KDM5C: variants seen among roughly 807,000 people sequenced by gnomAD.
The protein encoded by KDM5C is lysine demethylase 5C, also known as lysine-specific demethylase 5C.
In KDM5C, 16 loss-of-function variants were observed where a neutral mutation model predicts 110.6. That is an observed-to-expected ratio of 0.14 (90% CI 0.10 to 0.22). The LOEUF is 0.22. Among genes scored for constraint, KDM5C ranks in the 10% least tolerant of loss-of-function variants. KDM5C has a pLI of 1.00. For synonymous variants in KDM5C, 511 were observed against 520.4 expected, an observed-to-expected ratio of 0.98 and a Z score of 0.24; for missense variants, 681 against 1,300.9, an observed-to-expected ratio of 0.52 and a Z score of 7.33.
At position 53,225,148 on chromosome X, in the gene KDM5C, A is replaced by G; in HGVS notation, c.-259T>C. The G allele has an allele frequency of 2.9e-6, 1 of 341,729 alleles. No individual in the cohort carries two copies. Among genetic ancestry groups the G allele is most frequent in the South Asian group, 8.7e-5 (1 of 11,466 alleles). The allele number at this position is 341,729 out of a possible 1,213,427, so 28.2% of individuals were successfully genotyped here. On this transcript the variant is annotated 5_prime_UTR_variant, in exon 1 of 26. Coordinates refer to ENST00000375401, the MANE Select transcript of KDM5C (RefSeq NM_004187.5). ...CCTCCCCACTACCGCAGCCTTCGCC[A>G]CCACAGTTACCTCCCAAACGCCGCG...
chrX:53,192,883 C>CCCCCAA lies in KDM5C; in HGVS notation c.*83_*84insTTGGGG. 3 of 1,063,301 alleles carry CCCCCAA rather than the reference C, an allele frequency of 2.8e-6. No homozygotes were observed. Among genetic ancestry groups the CCCCCAA allele is most frequent in the Non-Finnish European group, 2.5e-6 (2 of 809,531 alleles). The allele number at this position is 1,063,301 out of a possible 1,213,427, so 87.6% of individuals were successfully genotyped here. On this transcript the variant is annotated 3_prime_UTR_variant, in exon 26 of 26. Transcript: ENST00000375401. ...GCCACCCCCCTACCCGCCCACCCCC[C>CCCCCAA]AAGAAGCAGGCTTGATGGTCAGAAA...
Position 53,218,230 on chromosome X carries a change from T to TATTG in KDM5C, c.351+42_351+45dup, listed in dbSNP as rs782630250. The TATTG allele has an allele frequency of 4.2e-6, 5 of 1,204,616 alleles. No individual in the cohort carries two copies. The African/African-American group carries it at 8.8e-5, about 21-fold the overall frequency. On this transcript the variant is annotated intron_variant, in intron 3 of 25. Coordinates refer to ENST00000375401, the MANE Select transcript of KDM5C (RefSeq NM_004187.5). Reference sequence around the variant, plus strand: ...AAGGGGGCCCCCAGAGTATCAAGGATATTGGGGTTTGGTGGGAGGGGTGCT... The same window carrying TATTG: ...AAGGGGGCCCCCAGAGTATCAAGGATATTGATTGGGGTTTGGTGGGAGGGGTGCT...
At chrX:53,215,081 C>T (rs1005644889) in intron 7 of KDM5C, 9 of 488,506 alleles carry the variant, frequency 1.8e-5, no homozygotes, top group African/African-American at 1.4e-4. Flanking sequence ...TTCAGAACTA[C>T]GCTGGACTCT....
Position 53,194,751 on chromosome X carries a change from G to A in KDM5C, c.3439-13C>T. 1 of 1,209,985 alleles carries A rather than the reference G, an allele frequency of 8.3e-7. No individual in the cohort carries two copies. The highest frequency in any genetic ancestry group is 1.1e-6 in the Non-Finnish European group (1 of 894,995). Reference sequence around the variant, plus strand: ...TGAAGGCCACGATCTGCCATACCCAGGACAGGAGCAAAGTGGGTCAGCAGC... The same window carrying A: ...TGAAGGCCACGATCTGCCATACCCAAGACAGGAGCAAAGTGGGTCAGCAGC... On this transcript the variant is annotated splice_polypyrimidine_tract_variant and intron_variant, in intron 22 of 25. Transcript: ENST00000375401.
At chrX:53,186,274 C>G (rs782697896) in intron 25 of KDM5C, among the ~76,000 whole-genome samples, 141 of 111,515 alleles carry the variant, frequency 1.3e-3, no homozygotes, top group African/African-American at 4.5e-3. Context: ...GTTAAAGATT[C>G]AAGAAATGGG....
chrX:53,183,575 C>CTT (rs782536051), intron 25 of KDM5C, among the ~76,000 whole-genome samples: 1 of 90,968 alleles, frequency 1.1e-5, no homozygotes, highest in Non-Finnish European at 2.2e-5. Context: ...TTTTTTTTTT[C>CTT]TTTTTTTTTT....
Position 53,193,456 on chromosome X carries a change from C to T in KDM5C, c.4298G>A (p.Arg1433Lys). ...LQAGQPPDLERIRTLLELEKA... is the reference protein window; with the variant it reads ...LQAGQPPDLEKIRTLLELEKA... ...CCTCACCTCCAGAAGTGTGCGGATC[C>T]TCTCCAGGTCTGGGGGCTGTCCAGC... The change falls in exon 25 of 26, where the codon AGG becomes AAG. Residue 1433 changes from arginine (R) to lysine (K), a missense_variant. By Grantham distance (26) the Arg-to-Lys change is conservative. This residue lies in a region of KDM5C where 115 missense variants were observed against 120.9 expected (regional missense o/e 0.95). Coordinates refer to ENST00000375401, the MANE Select transcript of KDM5C (RefSeq NM_004187.5). The T allele has an allele frequency of 1.7e-6, 2 of 1,211,891 alleles. No individual in the cohort carries two copies. Among genetic ancestry groups the T allele is most frequent in the Non-Finnish European group, 2.2e-6 (2 of 895,540 alleles).
chrX:53,193,317 G>A lies in KDM5C; in HGVS notation c.4333C>T (p.Arg1445Cys), dbSNP rs1556832647. ...RTLLELEKAE[R>C]HGSRARGRAL... ...CGGCCCCGAGCCCGACTCCCGTGAC[G>A]CTCTGCCTTCTCCAGCTGTGATTAC... Residue 1445 changes from arginine to cysteine, a missense_variant, in exon 26 of 26, where the codon CGT becomes TGT. Physicochemically the swap from Arg to Cys is radical, Grantham distance 180. Transcript: ENST00000375401. 5 of 1,208,733 alleles carry A rather than the reference G, an allele frequency of 4.1e-6. No individual in the cohort carries two copies. Among genetic ancestry groups the A allele is most frequent in the Admixed American group, 2.2e-5 (1 of 45,806 alleles).
At chrX:53,207,178 CAAAAA>C (rs56948247) in intron 12 of KDM5C, among the ~76,000 whole-genome samples, 3 of 40,299 alleles carry the variant, frequency 7.4e-5, no homozygotes, top group Non-Finnish European at 1.3e-4. Context: ...ACTCCTTCTC[CAAAAA>C]AAAAAAAAAA....
Position 53,193,634 on chromosome X carries a change from G to C in KDM5C, c.4120C>G (p.Leu1374Val). ...GGCAACAGCGAGGACAGCAGCTCCA[G>C]ATCTAGGAGGTTGCAGGAACAAGCG... ...APEEGSGKRD[L>V]ELLSSLLPQL... is the part of the protein sequence containing the mutation. Residue 1374 changes from leucine (L) to valine (V), a missense_variant and splice_region_variant, in exon 25 of 26, where the codon CTG becomes GTG. Leu to Val is a conservative substitution (Grantham distance 32, BLOSUM62 1). Transcript: ENST00000375401. The C allele has an allele frequency of 8.3e-7, 1 of 1,211,369 alleles. No individual in the cohort carries two copies. The highest frequency in any genetic ancestry group is 1.1e-6 in the Non-Finnish European group (1 of 895,031).
At chrX:53,216,037 T>G (rs781918244) in intron 6 of KDM5C, 37 bp downstream of exon 6, 1 of 1,210,775 alleles carries the variant, frequency 8.3e-7, no homozygotes, top group African/African-American at 1.7e-5. Flanking sequence ...CTGACTTTTC[T>G]CCCCAGGTGA....
chrX:53,224,482 A>C (rs2073982773), intron 1 of KDM5C, among the ~76,000 whole-genome samples: 1 of 111,752 alleles, frequency 8.9e-6, no homozygotes, highest in African/African-American at 3.3e-5. Flanking sequence ...CCGGCCCACT[A>C]GGAATCCCTG....
intron 25 of KDM5C, among the ~76,000 whole-genome samples, chrX:53,182,088 T>G (rs782326531): frequency 9.5e-6 from 1 of 104,951 alleles, no homozygotes; most frequent in African/African-American, 3.5e-5. Context: ...CTTTTTTGTT[T>G]TTTTTTTTTT....
At chrX:53,224,229 T>C (rs2073972428) in intron 1 of KDM5C, among the ~76,000 whole-genome samples, 1 of 111,912 alleles carries the variant, frequency 8.9e-6, no homozygotes, top group Non-Finnish European at 1.9e-5. Flanking sequence ...CTGGGATCCA[T>C]TTCACGGGCT....
intron 3 of KDM5C, 102 bp from the exon 4 acceptor site, chrX:53,218,068 T>G: frequency 1.1e-6 from 1 of 928,670 alleles, no homozygotes; most frequent in Non-Finnish European, 1.5e-6. Context: ...GCAACTCTAG[T>G]CCCTCACTTC....
At chrX:53,222,178 A>G (rs974726435) in intron 1 of KDM5C, among the ~76,000 whole-genome samples, 7 of 110,254 alleles carry the variant, frequency 6.3e-5, no homozygotes, top group African/African-American at 2.0e-4. Flanking sequence ...TCATACATAC[A>G]TGCATACACG....
intron 25 of KDM5C, among the ~76,000 whole-genome samples, chrX:53,183,865 A>G (rs1227152378): frequency 9.0e-6 from 1 of 111,563 alleles, no homozygotes; most frequent in Non-Finnish European, 1.9e-5. Flanking sequence ...AAGCAACCGC[A>G]CCCCGCTAGC....
intron 18 of KDM5C, 96 bp from the exon 19 acceptor site, chrX:53,197,140 T>C: frequency 1.5e-6 from 1 of 653,669 alleles, no homozygotes; most frequent in Non-Finnish European, 2.4e-6. Context: ...CTTCTTACCC[T>C]CCAAGCTTTT....
Position 53,192,772 on chromosome X carries a change from G to A in KDM5C, c.*195C>T, listed in dbSNP as rs782016647. 1.3e-5 allele frequency: 15 copies of A among 1,156,333 alleles called. No individual in the cohort carries two copies. Among genetic ancestry groups the A allele is most frequent in the Middle Eastern group, 2.9e-4 (1 of 3,414 alleles). ...CCAGGGAGGGAAGACTCCAGGGGCCGGCCCCCAGGAGCTGAGGTCTGAACA... is the reference window on the plus strand; with the variant it reads ...CCAGGGAGGGAAGACTCCAGGGGCCAGCCCCCAGGAGCTGAGGTCTGAACA... On this transcript the variant is annotated 3_prime_UTR_variant, in exon 26 of 26. Coordinates refer to ENST00000375401, the MANE Select transcript of KDM5C (RefSeq NM_004187.5).
Sources: allele counts gnomAD v4.1 joint callset (sites outside exome capture counted in the v4.1 genomes callset), GRCh38; gene constraint gnomAD v4.1.1; regional missense constraint gnomAD v4.1.1; transcripts MANE v1.5; gene names NCBI Gene and HGNC (gene_info 2026-07-23, HGNC 2026-07-21).